FBXO16: variants seen among roughly 807,000 people sequenced by gnomAD.
FBXO16 encodes the protein F-box only protein 16.
FBXO16 carries 31 observed loss-of-function variants against 41.0 expected under a neutral mutation model. The observed-to-expected ratio is 0.76, with a 90% CI of 0.57 to 1.02. FBXO16 has a LOEUF of 1.02. Among genes scored for constraint, FBXO16 ranks in the 50% least tolerant of loss-of-function variants. The pLI is 0.00. For missense variants in FBXO16, 361 were observed against 346.2 expected, an observed-to-expected ratio of 1.04 and a Z score of -0.34; for synonymous variants, 133 against 117.8, an observed-to-expected ratio of 1.13 and a Z score of -0.84.
chr8:28,454,900 A>T (rs1420568610), intron 5 of FBXO16, among the ~76,000 whole-genome samples: 2 of 150,108 alleles, frequency 1.3e-5, no homozygotes, highest in East Asian at 3.9e-4. Flanking sequence ...TCATGAATAG[A>T]TGTTGAATTT....
chr8:28,444,718 A>G (rs28587761), intron 7 of FBXO16, among the ~76,000 whole-genome samples: 48,721 of 147,486 alleles, frequency 0.33, 12,081 homozygotes, highest in African/African-American at 0.71. Flanking sequence ...CTGACCTCAC[A>G]ATCTGCCCAC....
At chr8:28,447,571 A>G (rs1366646173) in intron 6 of FBXO16, 2 of 305,012 alleles carry the variant, frequency 6.6e-6, no homozygotes, top group East Asian at 1.4e-4. Context: ...GACGGTATGT[A>G]CTGGGTGCTG....
At chr8:28,484,981 T>C (rs758923749) in intron 1 of FBXO16, among the ~76,000 whole-genome samples, 4 of 152,164 alleles carry the variant, frequency 2.6e-5, no homozygotes, top group Non-Finnish European at 5.9e-5. Flanking sequence ...GTTCAAGCGA[T>C]CCTCCTGCCT....
chr8:28,449,235 A>G (rs1477959140), intron 6 of FBXO16: 1 of 151,736 alleles, frequency 6.6e-6, no homozygotes, highest in Non-Finnish European at 1.5e-5. Context: ...AAAAAAAAGG[A>G]CAGAGGGGAA....
chr8:28,444,659 T>C, intron 7 of FBXO16, among the ~76,000 whole-genome samples: 1 of 151,584 alleles, frequency 6.6e-6, no homozygotes, highest in East Asian at 1.9e-4. Context: ...TTGTATTTTT[T>C]TTAGTAGAGA....
chr8:28,460,225 G>GTATATA (rs771679568), intron 4 of FBXO16, among the ~76,000 whole-genome samples: 28 of 75,218 alleles, frequency 3.7e-4, no homozygotes, highest in East Asian at 2.8e-3. Flanking sequence ...ATATGTGTGT[G>GTATATA]TATATATATA....
chr8:28,443,249 T>C (rs1802808411), intron 7 of FBXO16, among the ~76,000 whole-genome samples: 1 of 152,022 alleles, frequency 6.6e-6, no homozygotes, highest in African/African-American at 2.4e-5. Flanking sequence ...AGTCTCAAAC[T>C]CCTGGCCTCA....
chr8:28,441,310 C>T (rs1802769609), intron 7 of FBXO16, among the ~76,000 whole-genome samples: 1 of 152,154 alleles, frequency 6.6e-6, no homozygotes, highest in African/African-American at 2.4e-5. Context: ...GTTTTCCCTG[C>T]CTCTGAAGTC....
intron 6 of FBXO16, among the ~76,000 whole-genome samples, chr8:28,448,340 CAAAAAAAAA>C (rs56323338): frequency 4.0e-5 from 2 of 49,914 alleles, no homozygotes; most frequent in Non-Finnish European, 4.2e-5. Flanking sequence ...GACCCTAAAT[CAAAAAAAAA>C]AAAAAAAAAA....
chr8:28,440,870 G>C (rs1802761291), intron 7 of FBXO16, among the ~76,000 whole-genome samples: 1 of 152,132 alleles, frequency 6.6e-6, no homozygotes, highest in South Asian at 2.1e-4. Context: ...TTCAGTGCTA[G>C]ACAAAGGGTA....
intron 5 of FBXO16, 173 bp downstream of exon 5, chr8:28,456,593 T>C (rs1803041851): frequency 2.6e-6 from 2 of 758,220 alleles, no homozygotes; most frequent in Non-Finnish European, 4.1e-6. Context: ...TCAACTAACA[T>C]GAATGTCTTG....
At chr8:28,434,450 CCTT>C (rs1237654417) in intron 7 of FBXO16, among the ~76,000 whole-genome samples, 1 of 152,202 alleles carries the variant, frequency 6.6e-6, no homozygotes, top group East Asian at 1.9e-4. Context: ...TTGTGCCAGT[CCTT>C]CTTCTAGGAA....
At chr8:28,466,937 T>C (rs1471427155) in intron 3 of FBXO16, among the ~76,000 whole-genome samples, 1 of 151,684 alleles carries the variant, frequency 6.6e-6, no homozygotes, top group Non-Finnish European at 1.5e-5. Flanking sequence ...ATTTTACTTA[T>C]TTTTTATTTC....
chr8:28,464,641 TAC>T (rs1410098849), intron 3 of FBXO16, among the ~76,000 whole-genome samples: 2 of 152,220 alleles, frequency 1.3e-5, no homozygotes, highest in Non-Finnish European at 2.9e-5. Context: ...ATATATTCAG[TAC>T]AGTTATTATA....
intron 7 of FBXO16, among the ~76,000 whole-genome samples, chr8:28,445,515 C>T (rs1802849880): frequency 6.6e-6 from 1 of 152,202 alleles, no homozygotes; most frequent in Admixed American, 6.5e-5. Context: ...CACTCCTTGC[C>T]TATCAGGGGC....
At chr8:28,441,597 G>A (rs913314153) in intron 7 of FBXO16, among the ~76,000 whole-genome samples, 8 of 151,760 alleles carry the variant, frequency 5.3e-5, no homozygotes, top group African/African-American at 7.3e-5. Flanking sequence ...TTAGCCAAGC[G>A]TGGTGGCAGG....
intron 2 of FBXO16, among the ~76,000 whole-genome samples, chr8:28,479,043 T>C (rs1225327876): frequency 2.0e-5 from 3 of 152,108 alleles, no homozygotes. Context: ...TCCTCCTGCT[T>C]TGCCCTCTGC....
intron 5 of FBXO16, among the ~76,000 whole-genome samples, chr8:28,454,753 G>A (rs55757354): frequency 0.6 from 32,927 of 55,324 alleles, 7,936 homozygotes; most frequent in Non-Finnish European, 0.66. Flanking sequence ...AAAAAAAAAG[G>A]ATCATTAATT....
At position 28,429,440 on chromosome 8, in the gene FBXO16, G is replaced by A. The variant is rs550227645; in HGVS notation, c.844-37C>T. The A allele has an allele frequency of 2.5e-6, 4 of 1,612,444 alleles. No homozygotes were observed. The East Asian group carries it at 8.9e-5, about 36-fold the overall frequency. On this transcript the variant is annotated intron_variant, in intron 7 of 8. Transcript: ENST00000380254. ...CAGGAAAGGGAAGAGAATGGAGAGAGGAAAAGAAAGAAATAATCCGAGCTG... is the reference window on the plus strand; with the variant it reads ...CAGGAAAGGGAAGAGAATGGAGAGAAGAAAAGAAAGAAATAATCCGAGCTG...
Sources: gnomAD v4.1 joint callset for allele counts (sites outside exome capture counted in the v4.1 genomes callset) on GRCh38, gnomAD v4.1.1 for gene constraint, MANE v1.5 for transcripts, NCBI Gene and HGNC (gene_info 2026-07-23, HGNC 2026-07-21) for gene names.